Variants in OPHN1 observed in about 807,000 individuals in gnomAD.
OPHN1 encodes the protein oligophrenin 1, also known as oligophrenin-1.
A neutral mutation model predicts 60.7 loss-of-function variants in OPHN1; 11 were observed. The observed-to-expected ratio is 0.18, with a 90% CI of 0.11 to 0.30. The LOEUF is 0.30. Among genes scored for constraint, OPHN1 ranks in the 10% least tolerant of loss-of-function variants. The probability of loss-of-function intolerance (pLI) is 1.00; values close to 1 mark genes in which losing one functional copy is unlikely to be tolerated. For missense variants in OPHN1, 449 were observed against 611.0 expected (o/e 0.73, Z 2.80); for synonymous variants, 226 against 222.6 (o/e 1.02, Z -0.14).
chrX:68,173,043 C>T (rs1430194402), intron 15 of OPHN1, among the ~76,000 whole-genome samples: 2 of 110,747 alleles, frequency 1.8e-5, no homozygotes, highest in Non-Finnish European at 3.8e-5. Context: ...ATGGACTGTG[C>T]AGATATGCCA....
intron 15 of OPHN1, among the ~76,000 whole-genome samples, chrX:68,119,842 A>G (rs982954311): frequency 8.9e-6 from 1 of 111,888 alleles, no homozygotes; most frequent in African/African-American, 3.2e-5. Flanking sequence ...CAAGAGTCCT[A>G]TCAAGTTTTG....
chrX:68,111,313 G>T (rs761262703), intron 18 of OPHN1, among the ~76,000 whole-genome samples: 1 of 112,170 alleles, frequency 8.9e-6, no homozygotes. Flanking sequence ...GGACACAAGT[G>T]CCCCTTTCAC....
chrX:68,250,867 T>C (rs1334536524), intron 5 of OPHN1, among the ~76,000 whole-genome samples: 1 of 111,507 alleles, frequency 9.0e-6, no homozygotes, highest in East Asian at 2.8e-4. Context: ...ACTGTGCTTC[T>C]TTCAGGAATA....
Position 68,137,380 on chromosome X carries a change from A to G in OPHN1, c.1277-18048T>C, listed in dbSNP as rs144039349. ...AATAAATGTAATTATTTTTCTGAAA[A>G]CCTGAAAAAACAATGACTTCTATCT... On this transcript the variant is annotated intron_variant, in intron 15 of 24. Transcript: ENST00000355520. 3.1e-3 allele frequency among the ~76,000 whole-genome samples: 343 copies of G among 111,905 alleles called. 2 individuals are homozygous for G. Among genetic ancestry groups the G allele is most frequent in the Non-Finnish European group, 4.4e-3 (234 of 53,169 alleles).
At chrX:68,280,112 A>G (rs1385394037) in intron 4 of OPHN1, among the ~76,000 whole-genome samples, 1 of 111,630 alleles carries the variant, frequency 9.0e-6, no homozygotes, top group Non-Finnish European at 1.9e-5. Flanking sequence ...GGGGCCATCT[A>G]AGAGGGTCCA....
intron 20 of OPHN1, among the ~76,000 whole-genome samples, chrX:68,068,426 G>A (rs926761602): frequency 6.4e-5 from 6 of 94,212 alleles, no homozygotes; most frequent in Admixed American, 5.5e-4. Context: ...AGCTGAGATC[G>A]CGCCATTGCA....
intron 11 of OPHN1, among the ~76,000 whole-genome samples, chrX:68,197,934 A>G (rs986827955): frequency 9.0e-6 from 1 of 111,206 alleles, no homozygotes; most frequent in African/African-American, 3.3e-5. Context: ...AGAAGGGGAA[A>G]CTGAGGCACA....
chrX:68,361,516 T>C (rs2078472948), intron 2 of OPHN1, among the ~76,000 whole-genome samples: 1 of 108,540 alleles, frequency 9.2e-6, no homozygotes, highest in African/African-American at 3.3e-5. Flanking sequence ...AAAAAATATA[T>C]ATGTATATAT....
intron 19 of OPHN1, among the ~76,000 whole-genome samples, chrX:68,088,940 A>C (rs1461866724): frequency 1.8e-5 from 2 of 111,125 alleles, no homozygotes; most frequent in Non-Finnish European, 3.8e-5. Context: ...GGATATCTGA[A>C]GAGCTCACAG....
At chrX:68,208,505 T>G (rs183021613) in intron 9 of OPHN1, among the ~76,000 whole-genome samples, 3 of 112,167 alleles carry the variant, frequency 2.7e-5, no homozygotes, top group African/African-American at 6.5e-5. Flanking sequence ...TCACCACATT[T>G]CATTATAATT....
At chrX:68,372,595 G>T (rs770348072) in intron 2 of OPHN1, among the ~76,000 whole-genome samples, 2 of 110,864 alleles carry the variant, frequency 1.8e-5, no homozygotes, top group East Asian at 2.8e-4. Context: ...TCTAAACTAC[G>T]AAGGGCTGAA....
At chrX:68,327,797 TAAAAAAAA>T (rs35324033) in intron 2 of OPHN1, among the ~76,000 whole-genome samples, 2 of 67,397 alleles carry the variant, frequency 3.0e-5, no homozygotes, top group Non-Finnish European at 5.5e-5. Flanking sequence ...ATAAAAAAAA[TAAAAAAAA>T]AAAAAAAAAA....
chrX:68,117,715 G>A (rs2077133131), intron 16 of OPHN1, among the ~76,000 whole-genome samples: 1 of 111,759 alleles, frequency 8.9e-6, no homozygotes, highest in East Asian at 2.8e-4. Flanking sequence ...AGAACAGAGT[G>A]TGGAGACCTG....
Position 68,430,974 on chromosome X carries a change from G to A in OPHN1, c.154+1893C>T, listed in dbSNP as rs776062662. 2.7e-5 allele frequency among the ~76,000 whole-genome samples: 3 copies of A among 111,575 alleles called. No individual in the cohort carries two copies. The South Asian group carries it at 1.1e-3, about 42-fold the overall frequency. The stretch of plus-strand genomic sequence containing the variant: ...ATCTCTCTGATATGCCTTAGCTGGT[G>A]ATTTTTAGCATGCTTTTAGTTACCA... On this transcript the variant is annotated intron_variant, in intron 2 of 24. Coordinates refer to ENST00000355520, the MANE Select transcript of OPHN1 (RefSeq NM_002547.3).
intron 2 of OPHN1, among the ~76,000 whole-genome samples, chrX:68,311,947 G>A (rs2078175563): frequency 1.8e-5 from 2 of 110,703 alleles, no homozygotes; most frequent in South Asian, 7.7e-4. Flanking sequence ...AATTTCTCCA[G>A]GACAGACAAC....
intron 2 of OPHN1, among the ~76,000 whole-genome samples, chrX:68,321,219 T>C (rs777756554): frequency 5.4e-5 from 6 of 111,535 alleles, no homozygotes; most frequent in Non-Finnish European, 1.1e-4. Context: ...CCACCCCCTA[T>C]CGTGACGCTA....
At chrX:68,239,401 G>A (rs924396297) in intron 5 of OPHN1, among the ~76,000 whole-genome samples, 7 of 110,782 alleles carry the variant, frequency 6.3e-5, no homozygotes, top group Non-Finnish European at 1.3e-4. Context: ...GGGGCATGGC[G>A]GGCCAGGGTG....
intron 6 of OPHN1, among the ~76,000 whole-genome samples, chrX:68,232,929 CT>C (rs537093148): frequency 1.8e-3 from 171 of 94,101 alleles, no homozygotes; most frequent in Middle Eastern, 5.5e-3. Context: ...ACAACTAAGG[CT>C]TTTTTTTTTT....
chrX:68,180,794 G>A (rs1949471847), intron 15 of OPHN1, among the ~76,000 whole-genome samples: 1 of 111,851 alleles, frequency 8.9e-6, no homozygotes, highest in South Asian at 3.7e-4. Context: ...AGAGGAAGTT[G>A]TGAATAGCTT....
Sources: gnomAD v4.1 joint callset for allele counts (sites outside exome capture counted in the v4.1 genomes callset) on GRCh38, gnomAD v4.1.1 for gene constraint, MANE v1.5 for transcripts, NCBI Gene and HGNC (gene_info 2026-07-23, HGNC 2026-07-21) for gene names.